Variants in ARHGEF26 observed in about 807,000 individuals in gnomAD.
ARHGEF26 encodes Rho guanine nucleotide exchange factor 26.
Under a neutral mutation model 89.4 loss-of-function variants are expected in ARHGEF26, and 59 were observed. The ratio of observed to expected loss-of-function variants is 0.66; its 90% confidence interval spans 0.54 to 0.82. The LOEUF (loss-of-function observed/expected upper bound fraction) is 0.82. ARHGEF26 is among the 40% of genes least tolerant of loss of function. ARHGEF26 has a pLI of 0.00. For missense variants in ARHGEF26, 1,234 were observed against 1,085.6 expected, an observed-to-expected ratio of 1.14 and a Z score of -1.92; for synonymous variants, 500 against 428.4, an observed-to-expected ratio of 1.17 and a Z score of -2.06.
intron 7 of ARHGEF26, 121 bp downstream of exon 7, chr3:154,187,958 C>G: frequency 1.0e-6 from 1 of 989,646 alleles, no homozygotes; most frequent in Non-Finnish European, 1.4e-6. Context: ...GGCTATTTCC[C>G]AGAGGAGAAA....
At chr3:154,171,305 A>G (rs1223126249) in intron 6 of ARHGEF26, among the ~76,000 whole-genome samples, 1 of 152,160 alleles carries the variant, frequency 6.6e-6, no homozygotes, top group Non-Finnish European at 1.5e-5. Context: ...CTTCTACCCT[A>G]CTATCAACAT....
intron 1 of ARHGEF26, 40 bp from the exon 2 acceptor site, chr3:154,121,902 T>G (rs909834762): frequency 6.7e-7 from 1 of 1,483,104 alleles, no homozygotes; most frequent in Admixed American, 2.4e-5. Flanking sequence ...GCGTCCCCGG[T>G]TGTCCAGAGG....
chr3:154,230,970 T>A (rs1160906352), intron 11 of ARHGEF26, among the ~76,000 whole-genome samples: 12 of 152,184 alleles, frequency 7.9e-5, no homozygotes, highest in Non-Finnish European at 1.5e-5. Context: ...TTCCATTTTT[T>A]GCTTTTTCCA....
chr3:154,167,032 AT>A (rs1157578170), intron 6 of ARHGEF26, among the ~76,000 whole-genome samples: 2 of 152,114 alleles, frequency 1.3e-5, no homozygotes, highest in Non-Finnish European at 2.9e-5. Context: ...ACCGAGTATA[AT>A]TTTTTAAAAT....
chr3:154,182,543 G>A (rs991667433), intron 6 of ARHGEF26, among the ~76,000 whole-genome samples: 1 of 152,174 alleles, frequency 6.6e-6, no homozygotes, highest in African/African-American at 2.4e-5. Flanking sequence ...TTGTCATGGC[G>A]TGGATCTTAC....
chr3:154,247,303 G>A (rs1057163691), intron 12 of ARHGEF26, among the ~76,000 whole-genome samples: 3 of 152,076 alleles, frequency 2.0e-5, no homozygotes, highest in Non-Finnish European at 1.5e-5. Context: ...ACTCTTTTGC[G>A]TTATCCAGTC....
At chr3:154,205,897 T>C (rs556913509) in intron 9 of ARHGEF26, among the ~76,000 whole-genome samples, 33 of 152,180 alleles carry the variant, frequency 2.2e-4, no homozygotes, top group Non-Finnish European at 4.0e-4. Context: ...TTTACTCTTC[T>C]ACTTAGGGTA....
intron 12 of ARHGEF26, among the ~76,000 whole-genome samples, chr3:154,250,235 G>C (rs931141479): frequency 6.6e-6 from 1 of 152,098 alleles, no homozygotes; most frequent in Admixed American, 6.5e-5. Context: ...CTCCATGTTG[G>C]TCAGGCTGGT....
At chr3:154,253,044 G>A (rs1178186405) in intron 12 of ARHGEF26, 72 bp from the exon 13 acceptor site, 7 of 1,553,544 alleles carry the variant, frequency 4.5e-6, no homozygotes, top group African/African-American at 1.4e-5. Context: ...CTTTGCATTG[G>A]CTGCCTAGAA....
chr3:154,232,610 C>T (rs1223227123), intron 11 of ARHGEF26, among the ~76,000 whole-genome samples: 1 of 151,868 alleles, frequency 6.6e-6, no homozygotes, highest in Non-Finnish European at 1.5e-5. Flanking sequence ...AAATGGATGG[C>T]GTTCTGTTAA....
At chr3:154,135,722 T>C (rs1718963373) in intron 4 of ARHGEF26, among the ~76,000 whole-genome samples, 1 of 152,234 alleles carries the variant, frequency 6.6e-6, no homozygotes, top group South Asian at 2.1e-4. Context: ...TGTGTACTTG[T>C]TACAGTTAAT....
Position 154,217,865 on chromosome 3 carries a change from C to A in ARHGEF26, c.1846-4C>A. 6.3e-7 allele frequency: 1 copy of A among 1,590,926 alleles called. No homozygotes were observed. The highest frequency in any genetic ancestry group is 1.8e-5 in the Admixed American group (1 of 56,666). ...TAACCCTCGTTACTCTTCTGTGTTC[C>A]CAGTTGGTTCGACTATGCAATGAGG... On this transcript the variant is annotated splice_region_variant and splice_polypyrimidine_tract_variant and intron_variant, in intron 9 of 14. Transcript: ENST00000465093.
chr3:154,151,951 A>G (rs1476914524), intron 5 of ARHGEF26, among the ~76,000 whole-genome samples: 1 of 152,138 alleles, frequency 6.6e-6, no homozygotes, highest in Non-Finnish European at 1.5e-5. Flanking sequence ...CCCTTTTTAG[A>G]GGATCTGAAT....
rs55822103 is a variant in ARHGEF26 at position 154,204,333 on chromosome 3, C to CTTT, written c.1845+9631_1845+9633dup. Among the ~76,000 whole-genome samples, 166 of 113,300 alleles carry CTTT rather than the reference C, an allele frequency of 1.5e-3. 7 individuals carry two copies. Among genetic ancestry groups the CTTT allele is most frequent in the East Asian group, 2.9e-3 (11 of 3,850 alleles). The allele number at this position is 113,300 out of a possible 152,430, so 74.3% of individuals were successfully genotyped here. On this transcript the variant is annotated intron_variant, in intron 9 of 14. Coordinates refer to ENST00000465093, the MANE Select transcript of ARHGEF26 (RefSeq NM_015595.4). The stretch of plus-strand genomic sequence containing the variant: ...TCATTGTTAGTTTATTTTTCTTTTC[C>CTTT]TTTTTTTTTTTTTTTTTTGAGACAA...
At chr3:154,250,514 C>T (rs1718076384) in intron 12 of ARHGEF26, among the ~76,000 whole-genome samples, 2 of 152,192 alleles carry the variant, frequency 1.3e-5, no homozygotes, top group African/African-American at 4.8e-5. Flanking sequence ...ATGCTATTAG[C>T]ATCCAGGCAG....
chr3:154,251,046 C>T (rs914950337), intron 12 of ARHGEF26, among the ~76,000 whole-genome samples: 6 of 152,138 alleles, frequency 3.9e-5, no homozygotes, highest in Non-Finnish European at 8.8e-5. Flanking sequence ...CTACTTGACA[C>T]ACCATCTTGA....
At chr3:154,123,203 T>C (rs1718108552) in intron 2 of ARHGEF26, 128 bp downstream of exon 2, 3 of 1,377,218 alleles carry the variant, frequency 2.2e-6, no homozygotes, top group Non-Finnish European at 2.9e-6. Flanking sequence ...TTGCTCTTGA[T>C]TGCTAGTGTA....
intron 12 of ARHGEF26, 103 bp from the exon 13 acceptor site, chr3:154,253,013 T>A (rs71308481): frequency 0.12 from 157,401 of 1,264,244 alleles, 13,411 homozygotes; most frequent in East Asian, 0.37. Context: ...CTCTAGAGAA[T>A]CTCTTGTTTT....
chr3:154,193,752 C>T (rs1182019148), intron 8 of ARHGEF26, among the ~76,000 whole-genome samples: 1 of 152,096 alleles, frequency 6.6e-6, no homozygotes, highest in Non-Finnish European at 1.5e-5. Context: ...CCCTGTTTGA[C>T]CTGATTTTCC....
Sources: allele counts gnomAD v4.1 joint callset (sites outside exome capture counted in the v4.1 genomes callset), GRCh38; gene constraint gnomAD v4.1.1; transcripts MANE v1.5; gene names NCBI Gene and HGNC (gene_info 2026-07-23, HGNC 2026-07-21).